The following PHF14 variants were observed in gnomAD, a reference collection of about 807,000 sequenced individuals.
The protein encoded by PHF14 is PHD finger protein 14.
In PHF14, 55 loss-of-function variants were observed where a neutral mutation model predicts 117.9. The ratio of observed to expected loss-of-function variants is 0.47; its 90% confidence interval spans 0.38 to 0.58. The LOEUF (loss-of-function observed/expected upper bound fraction) is 0.58, where lower values mean the gene tolerates loss of function less well. Among genes scored for constraint, PHF14 ranks in the 20% least tolerant of loss-of-function variants. The probability of loss-of-function intolerance (pLI) is 0.00; values close to 1 mark genes in which losing one functional copy is unlikely to be tolerated. For synonymous variants in PHF14, 409 were observed against 368.6 expected, an observed-to-expected ratio of 1.11 and a Z score of -1.26; for missense variants, 978 against 1,122.2, an observed-to-expected ratio of 0.87 and a Z score of 1.84.
At chr7:11,018,366 C>T (rs1783602337) in intron 5 of PHF14, among the ~76,000 whole-genome samples, 1 of 152,048 alleles carries the variant, frequency 6.6e-6, no homozygotes, top group African/African-American at 2.4e-5. Flanking sequence ...AATATTGATT[C>T]TTCCAGTTTG....
chr7:11,064,091 C>A (rs1785337371), intron 16 of PHF14, among the ~76,000 whole-genome samples: 1 of 151,700 alleles, frequency 6.6e-6, no homozygotes, highest in Non-Finnish European at 1.5e-5. Flanking sequence ...TTTCTTAGGA[C>A]AAGATAAGCT....
intron 17 of PHF14, among the ~76,000 whole-genome samples, chr7:11,119,640 A>G (rs984286475): frequency 1.3e-5 from 2 of 151,930 alleles, no homozygotes; most frequent in Non-Finnish European, 2.9e-5. Flanking sequence ...AGATATAGTG[A>G]GAGTAATTTG....
Position 10,974,852 on chromosome 7 carries a change from A to G in PHF14, c.19A>G (p.Arg7Gly). 2 of 1,578,784 alleles carry G rather than the reference A, an allele frequency of 1.3e-6. No homozygotes were observed. The highest frequency in any genetic ancestry group is 1.7e-6 in the Non-Finnish European group (2 of 1,157,804). MDRSSK[R>G]RQVKPLAASL... is the part of the protein sequence containing the mutation. The stretch of plus-strand genomic sequence containing the variant: ...CTTCACAGTGGATCGCAGCTCCAAG[A>G]GGAGGCAGGTGAAGCCTTTGGCAGC... Residue 7 changes from arginine to glycine, a missense_variant, in exon 2 of 18, where the codon AGG (arginine) becomes GGG (glycine). Transcript: ENST00000634607.
At chr7:11,024,403 A>C (rs1196375506) in intron 6 of PHF14, among the ~76,000 whole-genome samples, 1 of 152,222 alleles carries the variant, frequency 6.6e-6, no homozygotes, top group Non-Finnish European at 1.5e-5. Context: ...TACATTCAAC[A>C]AAGATTTTCA....
intron 16 of PHF14, among the ~76,000 whole-genome samples, chr7:11,072,049 G>A (rs769075457): frequency 3.3e-5 from 5 of 152,136 alleles, no homozygotes; most frequent in Non-Finnish European, 4.4e-5. Flanking sequence ...GTCCATTCTT[G>A]CATAGCTGTA....
At chr7:11,013,430 G>A (rs1783421680) in intron 4 of PHF14, among the ~76,000 whole-genome samples, 1 of 152,004 alleles carries the variant, frequency 6.6e-6, no homozygotes, top group African/African-American at 2.4e-5. Flanking sequence ...CCAAAGTGCT[G>A]GGAATACAGG....
chr7:11,150,675 G>C (rs568946705), intron 17 of PHF14, among the ~76,000 whole-genome samples: 5 of 152,148 alleles, frequency 3.3e-5, no homozygotes, highest in African/African-American at 1.2e-4. Context: ...ATGTTACCAA[G>C]TTTTCTATAC....
At position 10,973,967 on chromosome 7, in the gene PHF14, G is replaced by A. The variant is rs567409954; in HGVS notation, c.-357G>A. 3 of 232,400 alleles carry A rather than the reference G, an allele frequency of 1.3e-5. No homozygotes were observed. Among genetic ancestry groups the A allele is most frequent in the African/African-American group, 4.6e-5 (2 of 43,306 alleles). 14.4% of individuals were successfully genotyped at this position (232,400 alleles called of 1,614,324 possible). On this transcript the variant is annotated 5_prime_UTR_variant, in exon 1 of 18. Coordinates refer to ENST00000634607, the MANE Select transcript of PHF14 (RefSeq NM_001007157.2). ...CAATTTCTGGTCTTTCGTTGCTTCT[G>A]GTCCAGGCTAATAAAGTTTTTCTTT...
intron 7 of PHF14, among the ~76,000 whole-genome samples, chr7:11,032,949 A>G (rs562277118): frequency 3.1e-4 from 47 of 152,330 alleles, no homozygotes; most frequent in African/African-American, 9.9e-4. Flanking sequence ...TGGTTCAGCA[A>G]CTTAACCTCT....
At position 11,066,487 on chromosome 7, in the gene PHF14, A is replaced by G. The variant is rs1785428238; in HGVS notation, c.2654+4402A>G. Among the ~76,000 whole-genome samples the G allele has an allele frequency of 5.3e-5, 8 of 152,278 alleles. 1 individual carries two copies. The South Asian group carries it at 1.7e-3, about 32-fold the overall frequency. On this transcript the variant is annotated intron_variant, in intron 16 of 17. Transcript: ENST00000634607. ...GGTTATTGTTATTTCCTATCTAATA[A>G]TTCTTTGCTTAGGTCCAGGTGACAA...
chr7:11,058,733 T>G (rs1202273031), intron 14 of PHF14, among the ~76,000 whole-genome samples: 1 of 152,208 alleles, frequency 6.6e-6, no homozygotes, highest in Non-Finnish European at 1.5e-5. Flanking sequence ...AGATTTGCAT[T>G]CTGAATGATT....
intron 14 of PHF14, among the ~76,000 whole-genome samples, chr7:11,054,895 A>G (rs1039281823): frequency 3.3e-5 from 5 of 152,040 alleles, no homozygotes; most frequent in Non-Finnish European, 4.4e-5. Flanking sequence ...TGATCAAAGT[A>G]TAATTTGTTT....
At chr7:11,033,862 A>G (rs184985120) in intron 7 of PHF14, among the ~76,000 whole-genome samples, 14 of 152,266 alleles carry the variant, frequency 9.2e-5, no homozygotes, top group Admixed American at 4.6e-4. Flanking sequence ...GTCATGAGAA[A>G]GCAGCTGTTT....
intron 8 of PHF14, among the ~76,000 whole-genome samples, chr7:11,036,022 CTG>C (rs1385054466): frequency 3.9e-5 from 6 of 152,048 alleles, no homozygotes; most frequent in Middle Eastern, 3.2e-3. Context: ...AAAAATGTGA[CTG>C]TGAGGAAATT....
At chr7:11,104,027 T>A (rs1787177293) in intron 16 of PHF14, 2 of 984,960 alleles carry the variant, frequency 2.0e-6, no homozygotes, top group Admixed American at 6.2e-5. Context: ...AATGACAGAT[T>A]GCCATTTTCT....
At chr7:11,153,576 T>A (rs996840138) in intron 17 of PHF14, among the ~76,000 whole-genome samples, 12 of 152,090 alleles carry the variant, frequency 7.9e-5, no homozygotes, top group Non-Finnish European at 1.6e-4. Flanking sequence ...TTGGCATTTG[T>A]GGCCATTTAG....
At position 10,983,023 on chromosome 7, in the gene PHF14, A is replaced by G. The variant is rs749980412; in HGVS notation, c.764A>G (p.Asn255Ser). The G allele has an allele frequency of 3.8e-5, 60 of 1,587,472 alleles. No individual in the cohort carries two copies. The highest frequency in any genetic ancestry group is 4.6e-5 in the Non-Finnish European group (54 of 1,170,164). The change falls in exon 3 of 18, where the codon AAT becomes AGT. Residue 255 changes from asparagine to serine, a missense_variant. Physicochemically the swap from Asn to Ser is conservative, Grantham distance 46. This residue lies in a region of PHF14 where 414 missense variants were observed against 376.4 expected (regional missense o/e 1.10). Transcript: ENST00000634607. ...GSDEDENDEGNDEDHSSPASE... is the reference protein window; with the variant it reads ...GSDEDENDEGSDEDHSSPASE... ...GATGAAGACGAGAATGATGAAGGCA[A>G]TGATGAAGATCATAGTAGCCCTGCC...
At chr7:11,036,901 A>T (rs918158090) in intron 9 of PHF14, 84 bp from the exon 10 acceptor site, 8 of 1,002,172 alleles carry the variant, frequency 8.0e-6, no homozygotes, top group Middle Eastern at 2.8e-4. Context: ...TAGGTTTATC[A>T]ATGTGATCAT....
chr7:10,975,006 C>G (rs1781812111), intron 2 of PHF14, 61 bp downstream of exon 2: 1 of 837,412 alleles, frequency 1.2e-6, no homozygotes, highest in Admixed American at 2.8e-5. Context: ...TATTTTTAGA[C>G]TTTTTAAATC....
Sources: allele counts gnomAD v4.1 joint callset (sites outside exome capture counted in the v4.1 genomes callset), GRCh38; gene constraint gnomAD v4.1.1; regional missense constraint gnomAD v4.1.1; transcripts MANE v1.5; gene names NCBI Gene and HGNC (gene_info 2026-07-23, HGNC 2026-07-21).